The following RBM47 variants were observed in gnomAD, a reference collection of about 807,000 sequenced individuals.
The protein encoded by RBM47 is RNA binding motif protein 47, also known as RNA-binding protein 47.
In RBM47, 21 loss-of-function variants were observed where a neutral mutation model predicts 47.1. The ratio of observed to expected loss-of-function variants is 0.45; its 90% CI spans 0.32 to 0.64. The LOEUF (loss-of-function observed/expected upper bound fraction) is 0.64. RBM47 is among the 30% of genes least tolerant of loss of function. RBM47 has a pLI of 0.05. For synonymous variants in RBM47, 375 were observed against 361.7 expected (o/e 1.04, Z -0.42); for missense variants, 708 against 870.9 (o/e 0.81, Z 2.35).
At chr4:40,613,756 G>A (rs1444132641) in intron 1 of RBM47, among the ~76,000 whole-genome samples, 1 of 150,392 alleles carries the variant, frequency 6.6e-6, no homozygotes, top group Non-Finnish European at 1.5e-5. Flanking sequence ...AGGAGTTCAA[G>A]ACCAGCCTGG....
At chr4:40,475,895 C>A (rs909441472) in intron 2 of RBM47, 3 of 152,112 alleles carry the variant, frequency 2.0e-5, no homozygotes, top group Non-Finnish European at 1.5e-5. Context: ...GTGGGTGGTA[C>A]AGAAAGAAGG....
At chr4:40,497,293 C>A (rs748745874) in intron 2 of RBM47, among the ~76,000 whole-genome samples, 5 of 152,080 alleles carry the variant, frequency 3.3e-5, no homozygotes, top group Non-Finnish European at 5.9e-5. Context: ...CTTCTAATAT[C>A]CTGCCATGTG....
intron 1 of RBM47, among the ~76,000 whole-genome samples, chr4:40,618,343 T>C (rs2154280743): frequency 6.6e-6 from 1 of 152,286 alleles, no homozygotes; most frequent in Non-Finnish European, 1.5e-5. Context: ...GGAGGATTGA[T>C]TGCTTGAGCC....
chr4:40,558,689 G>A (rs889706493), intron 1 of RBM47, among the ~76,000 whole-genome samples: 9 of 149,604 alleles, frequency 6.0e-5, no homozygotes, highest in African/African-American at 1.9e-4. Flanking sequence ...TTAGCCAGGT[G>A]TGGTGGTGGA....
rs1449682618 is a variant in RBM47, at chr4:40,599,226, C to T, written c.-240+30170G>A. Among the ~76,000 whole-genome samples the T allele has an allele frequency of 3.4e-5, 5 of 148,478 alleles. No homozygotes were observed. In the South Asian group the frequency reaches 8.5e-4, roughly 25 times the overall value. On this transcript the variant is annotated intron_variant, in intron 1 of 6. Transcript: ENST00000295971. ...TGGGCCGAGATCACACCACTGGACT[C>T]CAGCCTGGGCGATAGAACAAGACTC...
intron 2 of RBM47, among the ~76,000 whole-genome samples, chr4:40,523,173 G>T (rs1726368119): frequency 6.6e-6 from 1 of 151,594 alleles, no homozygotes; most frequent in African/African-American, 2.4e-5. Flanking sequence ...CACCATGTTG[G>T]CCAGGCTGGT....
chr4:40,507,266 T>C (rs914705810), intron 2 of RBM47, among the ~76,000 whole-genome samples: 1 of 152,042 alleles, frequency 6.6e-6, no homozygotes, highest in Admixed American at 6.5e-5. Flanking sequence ...CTTAAGCACG[T>C]CCATAAACTC....
At chr4:40,526,408 G>C (rs139418631) in intron 2 of RBM47, among the ~76,000 whole-genome samples, 1 of 148,486 alleles carries the variant, frequency 6.7e-6, no homozygotes, top group East Asian at 1.9e-4. Context: ...TTCAGAAAAC[G>C]ATTGGCCTTA....
chr4:40,579,422 A>AG (rs1732664436), intron 1 of RBM47, among the ~76,000 whole-genome samples: 1 of 122,152 alleles, frequency 8.2e-6, no homozygotes, highest in African/African-American at 3.1e-5. Flanking sequence ...ACCCTGTCTC[A>AG]GAAAAAAAAA....
At chr4:40,592,299 G>A (rs915379536) in intron 1 of RBM47, among the ~76,000 whole-genome samples, 1 of 150,254 alleles carries the variant, frequency 6.7e-6, no homozygotes, top group Admixed American at 6.7e-5. Context: ...GGGTCGCTCA[G>A]GCTAGAGTGC....
chr4:40,616,874 C>CTTTTTTTTTT (rs1300005872), intron 1 of RBM47, among the ~76,000 whole-genome samples: 4 of 111,668 alleles, frequency 3.6e-5, no homozygotes, highest in African/African-American at 7.4e-5. Context: ...ATTTTCTTTT[C>CTTTTTTTTTT]TTTTTTTTTT....
At position 40,438,927 on chromosome 4, in the gene RBM47, G is replaced by T; in HGVS notation, c.-31-3C>A. The T allele has an allele frequency of 6.7e-7, 1 of 1,497,446 alleles. No homozygotes were observed. The highest frequency in any genetic ancestry group is 2.4e-5 in the East Asian group (1 of 42,322). The allele number at this position is 1,497,446 out of a possible 1,614,324, so 92.8% of individuals were successfully genotyped here. A position where few individuals can be genotyped will look rare whatever the true frequency, so the allele number is the denominator to read the frequency against. ...AGGCATCCACAGCTGGCGGAAACCT[G>T]GGGAAGCAGAAAGAAGCGTGAGTGG... On this transcript the variant is annotated splice_region_variant and splice_polypyrimidine_tract_variant and intron_variant, in intron 3 of 6. Coordinates refer to ENST00000295971, the MANE Select transcript of RBM47 (RefSeq NM_001098634.2).
chr4:40,623,925 C>T (rs1737496757), intron 1 of RBM47, among the ~76,000 whole-genome samples: 1 of 151,998 alleles, frequency 6.6e-6, no homozygotes, highest in Admixed American at 6.6e-5. Context: ...AATCTCGGCT[C>T]ACTGCTACCT....
At chr4:40,540,652 A>G (rs1035669395) in intron 2 of RBM47, among the ~76,000 whole-genome samples, 1 of 77,750 alleles carries the variant, frequency 1.3e-5, no homozygotes, top group Non-Finnish European at 2.5e-5. Flanking sequence ...AAAAAAAAAA[A>G]ATAATAATAA....
intron 2 of RBM47, among the ~76,000 whole-genome samples, chr4:40,525,866 G>A (rs1726653698): frequency 1.0e-5 from 1 of 99,452 alleles, no homozygotes; most frequent in Admixed American, 8.5e-5. Flanking sequence ...TTTGCCCTGG[G>A]GCTGGCCTGG....
chr4:40,591,654 A>G (rs557349033), intron 1 of RBM47, among the ~76,000 whole-genome samples: 2 of 152,184 alleles, frequency 1.3e-5, no homozygotes, highest in African/African-American at 2.4e-5. Flanking sequence ...AGATCACACC[A>G]TTGCACTCCA....
At chr4:40,546,527 G>C (rs1349408247) in intron 1 of RBM47, among the ~76,000 whole-genome samples, 1 of 152,042 alleles carries the variant, frequency 6.6e-6, no homozygotes, top group African/African-American at 2.4e-5. Flanking sequence ...TCTCATTCCT[G>C]CGATCCCCTC....
At chr4:40,463,144 A>G (rs1045943513) in intron 3 of RBM47, among the ~76,000 whole-genome samples, 1 of 152,224 alleles carries the variant, frequency 6.6e-6, no homozygotes, top group Non-Finnish European at 1.5e-5. Flanking sequence ...AGTTGAACAG[A>G]TATTTTTCCA....
chr4:40,529,834 TAATAAATAAATAAATAAATA>T (rs200058463), intron 2 of RBM47, among the ~76,000 whole-genome samples: 7 of 137,336 alleles, frequency 5.1e-5, no homozygotes, highest in African/African-American at 8.0e-5. Context: ...ATCTAAAAAA[TAATAAATAAATAAATAAATA>T]AATAAATAAA....
Sources: allele counts gnomAD v4.1 joint callset (sites outside exome capture counted in the v4.1 genomes callset), GRCh38; gene constraint gnomAD v4.1.1; transcripts MANE v1.5; gene names NCBI Gene and HGNC (gene_info 2026-07-23, HGNC 2026-07-21).